Variants in IRAK1 observed in about 807,000 individuals in gnomAD.
The protein encoded by IRAK1 is interleukin 1 receptor associated kinase 1.
In IRAK1, 9 loss-of-function variants were observed where a neutral mutation model predicts 49.8. That is an observed-to-expected ratio of 0.18 (90% confidence interval 0.11 to 0.32). The LOEUF (loss-of-function observed/expected upper bound fraction) is 0.32. Among genes scored for constraint, IRAK1 ranks in the 10% least tolerant of loss-of-function variants. IRAK1 has a pLI of 1.00. For synonymous variants in IRAK1, 282 were observed against 270.8 expected (o/e 1.04, Z -0.41); for missense variants, 418 against 600.5 (o/e 0.70, Z 3.18).
At position 154,013,407 on chromosome X, in the gene IRAK1, C is replaced by T. The variant is rs371569686; in HGVS notation, c.1566G>A (p.Gln522=). 1 of 1,192,498 alleles carries T rather than the reference C, an allele frequency of 8.4e-7. No individual in the cohort carries two copies. Residue 522 remains glutamine (Q), a synonymous_variant, in exon 12 of 14, where the codon CAG becomes CAA. Coordinates refer to ENST00000369980, the MANE Select transcript of IRAK1 (RefSeq NM_001569.4). ...TQVYERLEKL[Q]AVVAGVPGHS... ...GCCCGGGCACCCCCGCCACCACTGC[C>T]TGCAGCTTCTCTAGCCTCTCGTACA...
Position 154,017,013 on chromosome X carries a change from T to C in IRAK1, c.964A>G (p.Thr322Ala), listed in dbSNP as rs1557129499. ...TGTAGAAACTGAATTGCCCGGGCTG[T>C]ACCCAGAAGGATGTCCAGTCGCTGA... ...WPQRLDILLG[T>A]ARAIQFLHQD... Residue 322 changes from threonine (T) to alanine (A), a missense_variant, in exon 8 of 14, where the codon ACA becomes GCA. This residue lies in a region of IRAK1 where 377 missense variants were observed against 499.5 expected (regional missense o/e 0.75). Coordinates refer to ENST00000369980, the MANE Select transcript of IRAK1 (RefSeq NM_001569.4). The C allele has an allele frequency of 8.3e-7, 1 of 1,209,994 alleles. No individual in the cohort carries two copies. The highest frequency in any genetic ancestry group is 1.1e-6 in the Non-Finnish European group (1 of 893,725).
rs782338967 is a variant in IRAK1 at position 154,019,039 on chromosome X, C to T, written c.476G>A (p.Gly159Asp). The T allele has an allele frequency of 6.6e-6, 8 of 1,208,626 alleles. No individual in the cohort carries two copies. The East Asian group carries it at 2.4e-4, about 36-fold the overall frequency. ...CAGGGAAGCAGGGCTTGGGACCAGG[C>T]CGAGCTCAGGCCCTGAATGGGTCTG... is the stretch of plus-strand genomic sequence containing the variant. Reference protein sequence around the residue: ...GSQTHSGPELGLVPSPASLWP... With the variant: ...GSQTHSGPELDLVPSPASLWP... The change falls in exon 4 of 14, where the codon GGC becomes GAC. Residue 159 changes from glycine to aspartate, a missense_variant. Transcript: ENST00000369980.
rs372240155 is a variant in IRAK1, at chrX:154,016,562, T to G, written c.1111A>C (p.Ser371Arg). 2 of 1,211,972 alleles carry G rather than the reference T, an allele frequency of 1.7e-6. No individual in the cohort carries two copies. Among genetic ancestry groups the G allele is most frequent in the African/African-American group, 3.4e-5 (2 of 58,070 alleles). The change falls in exon 9 of 14, where the codon AGC (serine) becomes CGC (arginine). Residue 371 changes from serine to arginine, a missense_variant. Ser to Arg is a moderately radical substitution (Grantham distance 110). Coordinates refer to ENST00000369980, the MANE Select transcript of IRAK1 (RefSeq NM_001569.4). ...LARFSRFAGS[S>R]PSQSSMVART... is the part of the protein sequence containing the mutation. ...GCCACCATGCTGCTCTGGCTGGGGCTGGACCCGGCAAAGCGGCTGAACCGG... is the reference window on the plus strand; with the variant it reads ...GCCACCATGCTGCTCTGGCTGGGGCGGGACCCGGCAAAGCGGCTGAACCGG...
Position 154,011,888 on chromosome X carries a change from G to T in IRAK1, c.2110C>A (p.Pro704Thr), listed in dbSNP as rs1557127583. Reference sequence around the variant, plus strand: ...CTCTGAAATTCATCACTTTCTTCGGGCCCCTGCCTGTCCTGTTCCAGGCCC... The same window carrying T: ...CTCTGAAATTCATCACTTTCTTCGGTCCCCTGCCTGTCCTGTTCCAGGCCC... The part of the protein sequence containing the change: ...GLGLEQDRQG[P>T]EESDEFQS Residue 704 changes from proline to threonine, a missense_variant, in exon 14 of 14, where the codon CCC becomes ACC. Physicochemically the swap from Pro to Thr is conservative, Grantham distance 38. Around this residue, in one of 3 missense-constraint regions of IRAK1, gnomAD observed 377 missense variants for 499.5 expected, o/e 0.75. Transcript: ENST00000369980. The T allele has an allele frequency of 8.3e-7, 1 of 1,210,860 alleles. No individual in the cohort carries two copies.
chrX:154,019,139 C>T (rs1260447084), intron 3 of IRAK1, 58 bp downstream of exon 3: 6 of 1,204,426 alleles, frequency 5.0e-6, no homozygotes, highest in Admixed American at 2.2e-5. Flanking sequence ...CAGCCGTGGC[C>T]GTGGTCAAGG....
At position 154,014,135 on chromosome X, in the gene IRAK1, G is replaced by C; in HGVS notation, c.1446C>G (p.Pro482=). The C allele has an allele frequency of 3.3e-6, 4 of 1,208,499 alleles. No homozygotes were observed. The South Asian group carries it at 5.3e-5, about 16-fold the overall frequency. Residue 482 remains proline (P), a synonymous_variant, in exon 11 of 14, where the codon CCC becomes CCG. Coordinates refer to ENST00000369980, the MANE Select transcript of IRAK1 (RefSeq NM_001569.4). The stretch of plus-strand genomic sequence containing the variant: ...GGCCCAGCTCAGGTGGGCAGGGCCC[G>C]GGCCTGGGGTCCAGGTGCTTCTTGT... ...QIYKKHLDPR[P]GPCPPELGLG... is the part of the protein sequence containing the mutation.
chrX:154,017,146 G>T, intron 7 of IRAK1, 79 bp from the exon 8 acceptor site: 1 of 649,571 alleles, frequency 1.5e-6, no homozygotes, highest in Non-Finnish European at 2.6e-6. Flanking sequence ...CTGTCACCGT[G>T]CAGCCTGGAA....
intron 11 of IRAK1, 95 bp from the exon 12 acceptor site, chrX:154,013,528 C>T (rs1485791679): frequency 3.4e-6 from 3 of 870,469 alleles, no homozygotes; most frequent in African/African-American, 4.0e-5. Flanking sequence ...CCGTCCGTGA[C>T]CTGCCCCAGG....
rs782729552 is a variant in IRAK1 at position 154,013,276 on chromosome X, G to A, written c.1697C>T (p.Ala566Val). The A allele has an allele frequency of 3.7e-5, 45 of 1,208,424 alleles. No homozygotes were observed. The South Asian group carries it at 6.5e-4, about 17-fold the overall frequency. The change falls in exon 12 of 14, where the codon GCG becomes GTG. Residue 566 changes from alanine to valine, a missense_variant. By Grantham distance (64) the Ala-to-Val change is moderately conservative. Coordinates refer to ENST00000369980, the MANE Select transcript of IRAK1 (RefSeq NM_001569.4). The stretch of plus-strand genomic sequence containing the variant: ...TGCCTGGGCACTGGCTCCTGATGGC[G>A]CTGCCAGGGGCTGCCATGGAGCAGC... ...SGAAPWQPLA[A>V]PSGASAQAAE...
At position 154,014,256 on chromosome X, in the gene IRAK1, G is replaced by C; in HGVS notation, c.1325C>G (p.Ala442Gly). The change falls in exon 11 of 14, where the codon GCT becomes GGT. Residue 442 changes from alanine (A) to glycine (G), a missense_variant. Physicochemically the swap from Ala to Gly is moderately conservative, Grantham distance 60 (BLOSUM62 0). Around this residue, in one of 3 missense-constraint regions of IRAK1, gnomAD observed 377 missense variants for 499.5 expected, o/e 0.75. Coordinates refer to ENST00000369980, the MANE Select transcript of IRAK1 (RefSeq NM_001569.4). Reference protein sequence around the residue: ...KYLKDLVEEEAEEAGVALRST... With the variant: ...KYLKDLVEEEGEEAGVALRST... ...TCTCAAAGCCACTCCAGCCTCCTCA[G>C]CCTCCTCTTCCACCAGGTCTTTCTG... is the stretch of plus-strand genomic sequence containing the variant. The C allele has an allele frequency of 8.3e-7, 1 of 1,207,762 alleles. No homozygotes were observed. The highest frequency in any genetic ancestry group is 1.1e-6 in the Non-Finnish European group (1 of 894,265).
chrX:154,018,201 G>T, intron 6 of IRAK1, 81 bp from the exon 7 acceptor site: 1 of 1,068,980 alleles, frequency 9.4e-7, no homozygotes, highest in Non-Finnish European at 1.3e-6. Context: ...GCCCGGGCCT[G>T]CCAGGCCTCA....
chrX:154,014,963 A>C, intron 10 of IRAK1, among the ~76,000 whole-genome samples: 1 of 110,968 alleles, frequency 9.0e-6, no homozygotes, highest in Non-Finnish European at 1.9e-5. Flanking sequence ...CCACAGACAA[A>C]GAGGTACCCC....
intron 8 of IRAK1, 73 bp downstream of exon 8, chrX:154,016,876 C>T (rs1557129396): frequency 8.9e-6 from 7 of 782,704 alleles, no homozygotes; most frequent in Non-Finnish European, 2.0e-6. Flanking sequence ...ATGCCTGATC[C>T]CCACATTGAT....
chrX:154,011,044 C>T lies in IRAK1; in HGVS notation c.*815G>A, dbSNP rs782105100. The T allele has an allele frequency of 2.6e-5, 9 of 341,313 alleles. No homozygotes were observed. The highest frequency in any genetic ancestry group is 7.8e-5 in the South Asian group (3 of 38,475). 28.1% of individuals were successfully genotyped at this position (341,313 alleles called of 1,213,427 possible). On this transcript the variant is annotated 3_prime_UTR_variant, in exon 14 of 14. Transcript: ENST00000369980. ...AGGATCTCAGAATTCTCGCTTCTTG[C>T]TAGGACTGAACCATGAGACTTACAG...
intron 7 of IRAK1, among the ~76,000 whole-genome samples, chrX:154,017,338 G>A (rs782808376): frequency 5.3e-4 from 60 of 112,421 alleles, no homozygotes; most frequent in Non-Finnish European, 8.8e-4. Flanking sequence ...CATTCTTCCC[G>A]CTCTCCCCAA....
At chrX:154,017,686 C>T (rs1174615629) in intron 7 of IRAK1, among the ~76,000 whole-genome samples, 1 of 106,610 alleles carries the variant, frequency 9.4e-6, no homozygotes, top group East Asian at 3.0e-4. Flanking sequence ...GTCCCAGCTA[C>T]TCGGGAGGCT....
chrX:154,013,499 A>G, intron 11 of IRAK1, 66 bp from the exon 12 acceptor site: 1 of 1,052,933 alleles, frequency 9.5e-7, no homozygotes. Flanking sequence ...CCGTGGGCAA[A>G]CCACAGGGCT....
At chrX:154,017,137 T>C in intron 7 of IRAK1, 70 bp from the exon 8 acceptor site, 1 of 681,850 alleles carries the variant, frequency 1.5e-6, no homozygotes, top group Non-Finnish European at 2.4e-6. Flanking sequence ...TCCTTCTACC[T>C]GTCACCGTGC....
At chrX:154,015,514 A>T (rs782430784) in intron 10 of IRAK1, among the ~76,000 whole-genome samples, 1 of 112,728 alleles carries the variant, frequency 8.9e-6, no homozygotes. Flanking sequence ...ACAGGCCCAC[A>T]GGGGAGCAGG....
Sources: allele counts gnomAD v4.1 joint callset (sites outside exome capture counted in the v4.1 genomes callset), GRCh38; gene constraint gnomAD v4.1.1; regional missense constraint gnomAD v4.1.1; transcripts MANE v1.5; gene names NCBI Gene and HGNC (gene_info 2026-07-23, HGNC 2026-07-21).